The following TNFSF13 variants were observed in gnomAD, a reference collection of about 807,000 sequenced individuals.
TNFSF13 encodes the protein TNF superfamily member 13.
TNFSF13 carries 18 observed loss-of-function variants against 30.7 expected under a neutral mutation model. The observed-to-expected ratio is 0.59, with a 90% CI of 0.41 to 0.87. The LOEUF (loss-of-function observed/expected upper bound fraction) is 0.87, where lower values mean the gene tolerates loss of function less well. Among genes scored for constraint, TNFSF13 ranks in the 40% least tolerant of loss-of-function variants. The pLI is 0.00. For synonymous variants in TNFSF13, 116 were observed against 123.2 expected (o/e 0.94, Z 0.39); for missense variants, 286 against 308.8 (o/e 0.93, Z 0.55).
chr17:7,560,874 T>G lies in TNFSF13; in HGVS notation c.*41T>G, dbSNP rs1597835333. Reference sequence around the variant, plus strand: ...TGGCTCCCAGCTTGGAAGACCAGGGTGGGTACATACTGGAGACAGCCAAGA... The same window carrying G: ...TGGCTCCCAGCTTGGAAGACCAGGGGGGGTACATACTGGAGACAGCCAAGA... On this transcript the variant is annotated 3_prime_UTR_variant, in exon 6 of 6. Transcript: ENST00000338784. The G allele has an allele frequency of 6.2e-7, 1 of 1,613,850 alleles. No individual in the cohort carries two copies. The highest frequency in any genetic ancestry group is 8.5e-7 in the Non-Finnish European group (1 of 1,179,870).
rs1007479820 is a variant in TNFSF13, at chr17:7,559,333, G to A, written c.258+36G>A. The A allele has an allele frequency of 3.9e-6, 6 of 1,553,248 alleles. No individual in the cohort carries two copies. The highest frequency in any genetic ancestry group is 5.2e-6 in the Non-Finnish European group (6 of 1,146,836). On this transcript the variant is annotated intron_variant, in intron 1 of 5. Transcript: ENST00000338784. The surrounding 1 kb of genome is among the most constrained non-coding windows in gnomAD (Gnocchi z 5.4). ...GGAGGAGGGTGTCTGGGAGAGGATGGTTAGCATGGGGGGTCTCTGGGCCTC... is the reference window on the plus strand; with the variant it reads ...GGAGGAGGGTGTCTGGGAGAGGATGATTAGCATGGGGGGTCTCTGGGCCTC...
chr17:7,559,494 C>A lies in TNFSF13; in HGVS notation c.259-130C>A. On this transcript the variant is annotated intron_variant, in intron 1 of 5. Transcript: ENST00000338784. The surrounding 1 kb of genome is among the most constrained non-coding windows in gnomAD (Gnocchi z 5.4). ...ACAAATCCTGGAGGGCAGCCAGCAC[C>A]AACACTCAGGGTGCTGGGAAAAGGT... 7.2e-7 allele frequency: 1 copy of A among 1,398,572 alleles called. No individual in the cohort carries two copies. Among genetic ancestry groups the A allele is most frequent in the Non-Finnish European group, 9.6e-7 (1 of 1,038,466 alleles). The allele number at this position is 1,398,572 out of a possible 1,614,324, so 86.6% of individuals were successfully genotyped here.
In TNFSF13 at chr17:7,559,105, C is replaced by A; in HGVS notation, c.66C>A (p.Val22=). Residue 22 remains valine, a synonymous_variant, in exon 1 of 6, where the codon GTC becomes GTA. Transcript: ENST00000338784. This position sits in a 1 kb window ranked among gnomAD's most constrained non-coding sequence, Gnocchi z 5.4. Reference sequence around the variant, plus strand: ...CTCCAGGCAACATGGGGGGCCCAGTCAGAGAGCCGGCACTCTCAGTTGCCC... The same window carrying A: ...CTCCAGGCAACATGGGGGGCCCAGTAAGAGAGCCGGCACTCTCAGTTGCCC... ...KGPPGNMGGP[V]REPALSVALW... The A allele has an allele frequency of 6.2e-7, 1 of 1,601,666 alleles. No homozygotes were observed.
chr17:7,560,251 C>T, intron 4 of TNFSF13, 84 bp downstream of exon 4: 2 of 1,610,720 alleles, frequency 1.2e-6, no homozygotes, highest in South Asian at 1.1e-5. Context: ...TCATACCAAA[C>T]CCAGCAGACC....
rs563292060 is a variant in TNFSF13 at position 7,558,932 on chromosome 17, C to A, written c.-108C>A. 1 of 1,232,558 alleles carries A rather than the reference C, an allele frequency of 8.1e-7. No homozygotes were observed. The highest frequency in any genetic ancestry group is 1.1e-6 in the Non-Finnish European group (1 of 934,354). 76.4% of individuals were successfully genotyped at this position (1,232,558 alleles called of 1,614,324 possible). A position where few individuals can be genotyped will look rare whatever the true frequency, so the allele number is the denominator to read the frequency against. On this transcript the variant is annotated 5_prime_UTR_variant, in exon 1 of 6. Transcript: ENST00000338784. The surrounding 1 kb of genome is among the most constrained non-coding windows in gnomAD (Gnocchi z 4.3). ...TCAAGTTCCTTTTTATTTCTCCTTG[C>A]GTAACAACCTTCTTCCCTTCTGCAC...
In TNFSF13 at chr17:7,558,866, C is replaced by T. The variant is rs2071116132; in HGVS notation, c.-174C>T. On this transcript the variant is annotated 5_prime_UTR_variant, in exon 1 of 6. Transcript: ENST00000338784. The surrounding 1 kb of genome is among the most constrained non-coding windows in gnomAD (Gnocchi z 4.3). Reference sequence around the variant, plus strand: ...CACGACGGAGTGCCAGGAGCACTAACAGTACCCTTAGCTTGCTTTCCTCCT... The same window carrying T: ...CACGACGGAGTGCCAGGAGCACTAATAGTACCCTTAGCTTGCTTTCCTCCT... The T allele has an allele frequency of 4.0e-6, 3 of 742,772 alleles. No homozygotes were observed. The highest frequency in any genetic ancestry group is 6.0e-6 in the Non-Finnish European group (3 of 500,672). The allele number at this position is 742,772 out of a possible 1,614,324, so 46.0% of individuals were successfully genotyped here.
At chr17:7,560,609 AG>A in intron 5 of TNFSF13, 114 bp from the exon 6 acceptor site, 1 of 1,610,040 alleles carries the variant, frequency 6.2e-7, no homozygotes. Flanking sequence ...AGTGAAGTGC[AG>A]AATGCCGGGT....
In TNFSF13 at chr17:7,559,595, C is replaced by A; in HGVS notation, c.259-29C>A. ...GCTGGCTGGGACCCTCGCATCTTAA[C>A]CTAACCTTGACCCTCTTTCCATGAG... On this transcript the variant is annotated intron_variant, in intron 1 of 5. Transcript: ENST00000338784. This position sits in a 1 kb window ranked among gnomAD's most constrained non-coding sequence, Gnocchi z 5.4. The A allele has an allele frequency of 5.0e-6, 8 of 1,610,368 alleles. No homozygotes were observed. The highest frequency in any genetic ancestry group is 5.9e-6 in the Non-Finnish European group (7 of 1,178,472).
Position 7,561,342 on chromosome 17 carries a change from C to A in TNFSF13, c.*509C>A. 2.8e-6 allele frequency: 1 copy of A among 359,802 alleles called. No individual in the cohort carries two copies. Among genetic ancestry groups the A allele is most frequent in the South Asian group, 3.3e-5 (1 of 30,592 alleles). 22.3% of individuals were successfully genotyped at this position (359,802 alleles called of 1,614,324 possible). On this transcript the variant is annotated 3_prime_UTR_variant, in exon 6 of 6. Transcript: ENST00000338784. The surrounding 1 kb of genome is among the most constrained non-coding windows in gnomAD (Gnocchi z 4.4). Reference sequence around the variant, plus strand: ...TCCATCACTATCTCCAGAGATGTAGCTATTATGCGCCCGTCTACAGGGGGT... The same window carrying A: ...TCCATCACTATCTCCAGAGATGTAGATATTATGCGCCCGTCTACAGGGGGT...
chr17:7,558,797 C>A lies in TNFSF13; in HGVS notation c.-243C>A. ...CTAGAGGGACTGGAACCTAATTCTC[C>A]TGAGGCTGAGGGAGGGTGGAGGGTC... On this transcript the variant is annotated 5_prime_UTR_variant, in exon 1 of 6. The change creates a new upstream start codon in the 5' untranslated region. Coordinates refer to ENST00000338784, the MANE Select transcript of TNFSF13 (RefSeq NM_003808.4). The surrounding 1 kb of genome is among the most constrained non-coding windows in gnomAD (Gnocchi z 4.3). 2.7e-6 allele frequency: 1 copy of A among 368,894 alleles called. No individual in the cohort carries two copies. The highest frequency in any genetic ancestry group is 4.8e-6 in the Non-Finnish European group (1 of 207,968). The allele number at this position is 368,894 out of a possible 1,614,324, so 22.9% of individuals were successfully genotyped here. A position where few individuals can be genotyped will look rare whatever the true frequency, so the allele number is the denominator to read the frequency against.
In TNFSF13 at chr17:7,559,745, A is replaced by G; in HGVS notation, c.337+43A>G. ...CAGCAGGGGTGGGAGGTGATCAAGC[A>G]GCGTGGGGATTGTAAGCCCGAGTCA... On this transcript the variant is annotated intron_variant, in intron 2 of 5. Transcript: ENST00000338784. The surrounding 1 kb of genome is among the most constrained non-coding windows in gnomAD (Gnocchi z 5.4). 1 of 1,613,864 alleles carries G rather than the reference A, an allele frequency of 6.2e-7. No homozygotes were observed. Among genetic ancestry groups the G allele is most frequent in the Non-Finnish European group, 8.5e-7 (1 of 1,179,872 alleles).
chr17:7,559,736 T>C lies in TNFSF13; in HGVS notation c.337+34T>C, dbSNP rs1299890932. ...TCCAGGGTGCAGCAGGGGTGGGAGG[T>C]GATCAAGCAGCGTGGGGATTGTAAG... is the stretch of plus-strand genomic sequence containing the variant. On this transcript the variant is annotated intron_variant, in intron 2 of 5. Transcript: ENST00000338784. This position sits in a 1 kb window ranked among gnomAD's most constrained non-coding sequence, Gnocchi z 5.4. 4.3e-6 allele frequency: 7 copies of C among 1,611,966 alleles called. No homozygotes were observed. The highest frequency in any genetic ancestry group is 5.9e-6 in the Non-Finnish European group (7 of 1,179,238).
rs1275205991 is a variant in TNFSF13 at position 7,559,134 on chromosome 17, G to A, written c.95G>A (p.Trp32Ter). 30 of 1,610,312 alleles carry A rather than the reference G, an allele frequency of 1.9e-5. No homozygotes were observed. The highest frequency in any genetic ancestry group is 2.4e-5 in the Non-Finnish European group (28 of 1,177,234). The stretch of plus-strand genomic sequence containing the variant: ...GAGCCGGCACTCTCAGTTGCCCTCT[G>A]GTTGAGTTGGGGGGCAGCTCTGGGG... ...VREPALSVALWLSWGAALGAV... is the reference protein window; with the variant it reads ...VREPALSVAL The change falls in exon 1 of 6, where the codon TGG (tryptophan) becomes TAG (stop). Residue 32 changes from tryptophan (W) to a stop codon, truncating the protein, a stop_gained. Transcript: ENST00000338784. LOFTEE classifies it high-confidence loss of function. This position sits in a 1 kb window ranked among gnomAD's most constrained non-coding sequence, Gnocchi z 5.4.
rs1270822763 is a variant in TNFSF13, at chr17:7,559,657, G to C, written c.292G>C (p.Glu98Gln). 1 of 1,613,634 alleles carries C rather than the reference G, an allele frequency of 6.2e-7. No individual in the cohort carries two copies. Among genetic ancestry groups the C allele is most frequent in the Admixed American group, 1.7e-5 (1 of 59,974 alleles). Residue 98 changes from glutamate to glutamine, a missense_variant, in exon 2 of 6, where the codon GAG becomes CAG. Glu to Gln is a conservative substitution (Grantham distance 29). Coordinates refer to ENST00000338784, the MANE Select transcript of TNFSF13 (RefSeq NM_003808.4). This position sits in a 1 kb window ranked among gnomAD's most constrained non-coding sequence, Gnocchi z 5.4. ...TGCCCTGGAAGCCTGGGAGAATGGGGAGAGATCCCGGAAAAGGAGAGCAGT... is the reference window on the plus strand; with the variant it reads ...TGCCCTGGAAGCCTGGGAGAATGGGCAGAGATCCCGGAAAAGGAGAGCAGT... ...SDALEAWENG[E>Q]RSRKRRAVLT...
Position 7,558,884 on chromosome 17 carries a change from T to G in TNFSF13, c.-156T>G. The G allele has an allele frequency of 3.2e-6, 3 of 929,574 alleles. No individual in the cohort carries two copies. The highest frequency in any genetic ancestry group is 1.7e-5 in the African/African-American group (1 of 59,284). 57.6% of individuals were successfully genotyped at this position (929,574 alleles called of 1,614,324 possible). ...GCACTAACAGTACCCTTAGCTTGCT[T>G]TCCTCCTCCCTCCTTTTTATTTTCA... is the stretch of plus-strand genomic sequence containing the variant. On this transcript the variant is annotated 5_prime_UTR_variant, in exon 1 of 6. Transcript: ENST00000338784. The surrounding 1 kb of genome is among the most constrained non-coding windows in gnomAD (Gnocchi z 4.3).
At position 7,559,419 on chromosome 17, in the gene TNFSF13, C is replaced by T. The variant is rs1244686234; in HGVS notation, c.258+122C>T. 25 of 1,432,206 alleles carry T rather than the reference C, an allele frequency of 1.7e-5. No homozygotes were observed. The highest frequency in any genetic ancestry group is 2.9e-5 in the South Asian group (2 of 68,134). 88.7% of individuals were successfully genotyped at this position (1,432,206 alleles called of 1,614,324 possible). On this transcript the variant is annotated intron_variant, in intron 1 of 5. Coordinates refer to ENST00000338784, the MANE Select transcript of TNFSF13 (RefSeq NM_003808.4). This position sits in a 1 kb window ranked among gnomAD's most constrained non-coding sequence, Gnocchi z 5.4. ...GTCTCCGGTTTGGAAGTCAGGGGCGCGGCCATTCCAGGAAAGGAAACTGTT... is the reference window on the plus strand; with the variant it reads ...GTCTCCGGTTTGGAAGTCAGGGGCGTGGCCATTCCAGGAAAGGAAACTGTT...
chr17:7,559,948 G>A lies in TNFSF13; in HGVS notation c.385+55G>A. Reference sequence around the variant, plus strand: ...GGAGGGGCAATAACCAGGAACTCGGGCTGGCACTTGGGCTCAAGGGGTCCT... The same window carrying A: ...GGAGGGGCAATAACCAGGAACTCGGACTGGCACTTGGGCTCAAGGGGTCCT... On this transcript the variant is annotated intron_variant, in intron 3 of 5. Coordinates refer to ENST00000338784, the MANE Select transcript of TNFSF13 (RefSeq NM_003808.4). The surrounding 1 kb of genome is among the most constrained non-coding windows in gnomAD (Gnocchi z 5.4). 6.2e-7 allele frequency: 1 copy of A among 1,613,956 alleles called. No homozygotes were observed. The highest frequency in any genetic ancestry group is 8.5e-7 in the Non-Finnish European group (1 of 1,180,002).
chr17:7,560,664 G>T, intron 5 of TNFSF13, 60 bp from the exon 6 acceptor site: 2 of 1,612,998 alleles, frequency 1.2e-6, no homozygotes, highest in Non-Finnish European at 8.5e-7. Flanking sequence ...GAAGGCAGGG[G>T]GAAACAGGGC....
At position 7,559,943 on chromosome 17, in the gene TNFSF13, C is replaced by T. The variant is rs768681831; in HGVS notation, c.385+50C>T. 6.2e-7 allele frequency: 1 copy of T among 1,613,972 alleles called. No homozygotes were observed. The highest frequency in any genetic ancestry group is 1.1e-5 in the South Asian group (1 of 91,074). ...TTTGGGGAGGGGCAATAACCAGGAA[C>T]TCGGGCTGGCACTTGGGCTCAAGGG... On this transcript the variant is annotated intron_variant, in intron 3 of 5. Coordinates refer to ENST00000338784, the MANE Select transcript of TNFSF13 (RefSeq NM_003808.4). The surrounding 1 kb of genome is among the most constrained non-coding windows in gnomAD (Gnocchi z 5.4).
Sources: allele counts gnomAD v4.1 joint callset, GRCh38; gene constraint gnomAD v4.1.1; non-coding constraint Gnocchi (gnomAD v3.1); transcripts MANE v1.5; gene names NCBI Gene and HGNC (gene_info 2026-07-23, HGNC 2026-07-21).